SPPL3: variants seen among roughly 807,000 people sequenced by gnomAD.
SPPL3 encodes signal peptide peptidase like 3.
A neutral mutation model predicts 42.4 loss-of-function variants in SPPL3; 5 were observed. The observed-to-expected ratio is 0.12, with a 90% CI of 0.06 to 0.25. The LOEUF (loss-of-function observed/expected upper bound fraction) is 0.25, where lower values mean the gene tolerates loss of function less well. SPPL3 is among the 10% of genes least tolerant of loss of function. The pLI, the probability that SPPL3 is intolerant of heterozygous loss-of-function variation, is 1.00. For synonymous variants in SPPL3, 195 were observed against 181.8 expected (o/e 1.07, Z -0.58); for missense variants, 235 against 489.0 (o/e 0.48, Z 4.90).
intron 2 of SPPL3, among the ~76,000 whole-genome samples, chr12:120,806,098 C>T (rs766684791): frequency 7.0e-6 from 1 of 143,854 alleles, no homozygotes; most frequent in Non-Finnish European, 1.5e-5. Context: ...TGTAAAAGAA[C>T]AACACTTACT....
intron 6 of SPPL3, among the ~76,000 whole-genome samples, chr12:120,781,555 G>GTTTTTTTTTTTTTTTTTTTTTT (rs527339173): frequency 1.6e-5 from 1 of 62,994 alleles, no homozygotes; most frequent in African/African-American, 6.8e-5. Context: ...TTATTGTTAC[G>GTTTTTTTTTTTTTTTTTTTTTT]TTTTTTTTTT....
intron 1 of SPPL3, chr12:120,835,757 T>C (rs1871599179): frequency 6.6e-6 from 1 of 152,136 alleles, no homozygotes; most frequent in Non-Finnish European, 1.5e-5. Flanking sequence ...GCCCCTGCTA[T>C]TTTAGGATCA....
intron 1 of SPPL3, among the ~76,000 whole-genome samples, chr12:120,877,169 C>T (rs1052387854): frequency 6.6e-6 from 1 of 152,068 alleles, no homozygotes; most frequent in African/African-American, 2.4e-5. Flanking sequence ...TACATACAAA[C>T]CCTAAATCAA....
chr12:120,866,359 G>A (rs1041828152), intron 1 of SPPL3, among the ~76,000 whole-genome samples: 2 of 151,124 alleles, frequency 1.3e-5, no homozygotes, highest in African/African-American at 2.5e-5. Context: ...GAAAGAGCCT[G>A]GGAATCCGTG....
At chr12:120,872,617 GTTCC>G (rs1174872289) in intron 1 of SPPL3, among the ~76,000 whole-genome samples, 3 of 152,160 alleles carry the variant, frequency 2.0e-5, no homozygotes, top group Admixed American at 6.5e-5. Context: ...TGGCAGAAGG[GTTCC>G]TTTCAGTCTC....
chr12:120,807,669 C>T (rs1458650235), intron 2 of SPPL3, among the ~76,000 whole-genome samples: 5 of 104,320 alleles, frequency 4.8e-5, no homozygotes, highest in Non-Finnish European at 1.0e-4. Context: ...AGCGAAACTC[C>T]GACTCAAAAA....
At chr12:120,885,471 T>C (rs537299739) in intron 1 of SPPL3, among the ~76,000 whole-genome samples, 2 of 152,312 alleles carry the variant, frequency 1.3e-5, no homozygotes, top group Non-Finnish European at 2.9e-5. Context: ...CAGAATACCA[T>C]TTATGGACTC....
intron 6 of SPPL3, among the ~76,000 whole-genome samples, chr12:120,779,393 T>C (rs1484191580): frequency 6.6e-6 from 1 of 152,130 alleles, no homozygotes; most frequent in African/African-American, 2.4e-5. Context: ...GTCTCCAAAG[T>C]CTGGAGTAGC....
At chr12:120,823,751 T>TA (rs1441861221) in intron 1 of SPPL3, among the ~76,000 whole-genome samples, 1 of 152,228 alleles carries the variant, frequency 6.6e-6, no homozygotes, top group Non-Finnish European at 1.5e-5. Context: ...AGCACTGTCC[T>TA]AAGAGCTTCC....
At chr12:120,791,411 A>C in intron 3 of SPPL3, 58 bp downstream of exon 3, 3 of 1,278,086 alleles carry the variant, frequency 2.3e-6, no homozygotes, top group South Asian at 2.7e-5. Flanking sequence ...GGAGGTATAG[A>C]AACAGCCAAA....
chr12:120,830,603 G>GAGAGAGAGAGAGAA (rs1486758390), intron 1 of SPPL3, among the ~76,000 whole-genome samples: 2 of 141,632 alleles, frequency 1.4e-5, no homozygotes, highest in African/African-American at 5.2e-5. Flanking sequence ...GAGAGAGAGA[G>GAGAGAGAGAGAGAA]AGAAGGTGTA....
chr12:120,887,329 C>T (rs1873498148), intron 1 of SPPL3, among the ~76,000 whole-genome samples: 1 of 152,054 alleles, frequency 6.6e-6, no homozygotes, highest in East Asian at 1.9e-4. Flanking sequence ...ATATATTATA[C>T]TTCTATTGGG....
chr12:120,822,809 C>T (rs1248941802), intron 1 of SPPL3, among the ~76,000 whole-genome samples: 1 of 152,032 alleles, frequency 6.6e-6, no homozygotes, highest in Non-Finnish European at 1.5e-5. Flanking sequence ...CCAAATCTCT[C>T]CATCATCTTG....
intron 6 of SPPL3, among the ~76,000 whole-genome samples, chr12:120,779,523 T>C (rs1038498689): frequency 6.6e-6 from 1 of 152,254 alleles, no homozygotes; most frequent in Admixed American, 6.5e-5. Flanking sequence ...TGACTGTCTT[T>C]ATATTTTAAC....
intron 2 of SPPL3, among the ~76,000 whole-genome samples, chr12:120,806,197 A>AT (rs35141421): frequency 0.4 from 57,804 of 144,248 alleles, 12,521 homozygotes; most frequent in Middle Eastern, 0.55. Flanking sequence ...TTTATGGTCG[A>AT]TTTTTTTTTT....
intron 1 of SPPL3, among the ~76,000 whole-genome samples, chr12:120,852,786 T>A (rs1592996009): frequency 7.4e-6 from 1 of 135,210 alleles, no homozygotes; most frequent in East Asian, 2.1e-4. Context: ...TAAAATATAT[T>A]TCATATATCA....
rs148524314 is a variant in SPPL3 at position 120,777,184 on chromosome 12, A to C, written c.502+5471T>G. Among the ~76,000 whole-genome samples, 4 of 152,294 alleles carry C rather than the reference A, an allele frequency of 2.6e-5. No individual in the cohort carries two copies. The East Asian group carries it at 7.7e-4, about 29-fold the overall frequency. On this transcript the variant is annotated intron_variant, in intron 6 of 10. Coordinates refer to ENST00000353487, the MANE Select transcript of SPPL3 (RefSeq NM_139015.5). Reference sequence around the variant, plus strand: ...TCTAACCAACTAACTGGAATTTCTAAATAGTTTCTGTTCAGAAGTAACAGC... The same window carrying C: ...TCTAACCAACTAACTGGAATTTCTACATAGTTTCTGTTCAGAAGTAACAGC...
At chr12:120,768,564 T>A in intron 7 of SPPL3, 76 bp from the exon 8 acceptor site, 2 of 1,477,050 alleles carry the variant, frequency 1.4e-6, no homozygotes, top group Non-Finnish European at 1.8e-6. Flanking sequence ...TCCTTGCTCT[T>A]AAGAGCAGAG....
chr12:120,868,458 T>C (rs1741848805), intron 1 of SPPL3, among the ~76,000 whole-genome samples: 1 of 26,094 alleles, frequency 3.8e-5, no homozygotes, highest in South Asian at 1.7e-3. Flanking sequence ...TGTAGTAATT[T>C]CTTTTTTCTT....
Sources: gnomAD v4.1 joint callset for allele counts (sites outside exome capture counted in the v4.1 genomes callset) on GRCh38, gnomAD v4.1.1 for gene constraint, MANE v1.5 for transcripts, NCBI Gene and HGNC (gene_info 2026-07-23, HGNC 2026-07-21) for gene names.